The following NRG3 variants were observed in gnomAD, a reference collection of about 807,000 sequenced individuals.
NRG3 encodes pro-neuregulin-3, membrane-bound isoform.
NRG3 carries 31 observed loss-of-function variants against 66.9 expected under a neutral mutation model. The observed-to-expected ratio is 0.46, with a 90% CI of 0.35 to 0.63. The LOEUF is 0.63. NRG3 is among the 20% of genes least tolerant of loss of function. NRG3 has a pLI of 0.00. For missense variants in NRG3, 910 were observed against 878.9 expected (o/e 1.04, Z -0.45); for synonymous variants, 393 against 359.4 (o/e 1.09, Z -1.06).
chr10:82,208,681 T>TA (rs1275796238), intron 1 of NRG3, among the ~76,000 whole-genome samples: 1 of 152,026 alleles, frequency 6.6e-6, no homozygotes, highest in Non-Finnish European at 1.5e-5. Flanking sequence ...GAACGTCAAT[T>TA]ACAAATGATT....
rs560775086 is a variant in NRG3 at position 82,538,588 on chromosome 10, T to C, written c.953+179720T>C. 3.3e-5 allele frequency among the ~76,000 whole-genome samples: 5 copies of C among 152,248 alleles called. No homozygotes were observed. The South Asian group carries it at 1.0e-3, about 32-fold the overall frequency. ...ATTGTTCCATTTATTGCAATCTATG[T>C]TCCATACCTAAGATGGCAAAACCCT... is the stretch of plus-strand genomic sequence containing the variant. On this transcript the variant is annotated intron_variant, in intron 2 of 8. Coordinates refer to ENST00000372141, the MANE Select transcript of NRG3 (RefSeq NM_001010848.4).
chr10:82,788,564 C>T (rs775332257), intron 3 of NRG3, among the ~76,000 whole-genome samples: 45 of 151,188 alleles, frequency 3.0e-4, no homozygotes, highest in Non-Finnish European at 4.3e-4. Flanking sequence ...AGTGAGACTC[C>T]GTCTCAAAAA....
intron 1 of NRG3, among the ~76,000 whole-genome samples, chr10:82,188,610 AT>A (rs2073951545): frequency 6.6e-6 from 1 of 152,166 alleles, no homozygotes; most frequent in Non-Finnish European, 1.5e-5. Context: ...ATAGGAAAAA[AT>A]ATCTAATAAT....
At chr10:82,869,625 T>TATTTTATTTTATTTTTA (rs1564585678) in intron 4 of NRG3, among the ~76,000 whole-genome samples, 1 of 146,528 alleles carries the variant, frequency 6.8e-6, no homozygotes, top group African/African-American at 2.6e-5. Context: ...TATTTTATTT[T>TATTTTATTTTATTTTTA]GAGACAGAGT....
At chr10:82,314,771 C>T (rs1442057461) in intron 1 of NRG3, among the ~76,000 whole-genome samples, 1 of 152,206 alleles carries the variant, frequency 6.6e-6, no homozygotes, top group Non-Finnish European at 1.5e-5. Flanking sequence ...GATCTCGCCA[C>T]TGCACTCCAG....
At chr10:81,909,171 A>G (rs1844879511) in intron 1 of NRG3, among the ~76,000 whole-genome samples, 1 of 151,884 alleles carries the variant, frequency 6.6e-6, no homozygotes, top group African/African-American at 2.4e-5. Flanking sequence ...TATCCCTCCA[A>G]TCTCCACCTC....
chr10:82,249,110 C>G (rs977979178), intron 1 of NRG3, among the ~76,000 whole-genome samples: 3 of 152,076 alleles, frequency 2.0e-5, no homozygotes, highest in African/African-American at 7.3e-5. Context: ...AAGTAAAGGT[C>G]TTTATTTTAG....
At chr10:82,885,175 C>G (rs193153810) in intron 4 of NRG3, among the ~76,000 whole-genome samples, 1 of 152,180 alleles carries the variant, frequency 6.6e-6, no homozygotes, top group East Asian at 1.9e-4. Flanking sequence ...TTTCTAAATA[C>G]TCTTTCTTTT....
At chr10:82,370,310 C>T (rs2084797636) in intron 2 of NRG3, among the ~76,000 whole-genome samples, 1 of 137,454 alleles carries the variant, frequency 7.3e-6, no homozygotes, top group African/African-American at 3.4e-5. Flanking sequence ...GGTGATATTC[C>T]CCTGGAGTGG....
At chr10:82,946,309 G>C (rs1436655188) in intron 4 of NRG3, among the ~76,000 whole-genome samples, 1 of 151,818 alleles carries the variant, frequency 6.6e-6, no homozygotes, top group Non-Finnish European at 1.5e-5. Context: ...GGAAGGCCAA[G>C]GTGGGTGGAT....
intron 1 of NRG3, among the ~76,000 whole-genome samples, chr10:82,259,912 A>G (rs777999787): frequency 7.3e-5 from 11 of 151,066 alleles, no homozygotes; most frequent in Non-Finnish European, 1.5e-4. Context: ...AACCTGGGTG[A>G]CAGGGCAAGA....
intron 2 of NRG3, among the ~76,000 whole-genome samples, chr10:82,539,655 A>C (rs2043396701): frequency 1.3e-5 from 2 of 151,628 alleles, no homozygotes; most frequent in African/African-American, 4.8e-5. Context: ...TTTGTTTTTA[A>C]TGGAGTCTCG....
Position 82,468,399 on chromosome 10 carries a change from C to T in NRG3, c.953+109531C>T, listed in dbSNP as rs529466434. ...GGAAGTGTCAGACCTTCAGAGGGGG[C>T]ACTGCTGAGAGGCTGAATCATTGAG... is the stretch of plus-strand genomic sequence containing the variant. On this transcript the variant is annotated intron_variant, in intron 2 of 8. Coordinates refer to ENST00000372141, the MANE Select transcript of NRG3 (RefSeq NM_001010848.4). Among the ~76,000 whole-genome samples, 13 of 102,436 alleles carry T rather than the reference C, an allele frequency of 1.3e-4. No homozygotes were observed. The South Asian group carries it at 1.9e-3, about 15-fold the overall frequency. The allele number at this position is 102,436 out of a possible 152,430, so 67.2% of individuals were successfully genotyped here.
intron 3 of NRG3, among the ~76,000 whole-genome samples, chr10:82,841,534 T>C (rs2063057054): frequency 6.6e-6 from 1 of 152,210 alleles, no homozygotes; most frequent in African/African-American, 2.4e-5. Flanking sequence ...GTCTGAGATC[T>C]GTAGGGCAGG....
chr10:82,710,586 CAA>C (rs59857324), intron 2 of NRG3, among the ~76,000 whole-genome samples: 16,106 of 71,374 alleles, frequency 0.23, 281 homozygotes, highest in Middle Eastern at 0.4. Context: ...GACTCCATCT[CAA>C]AAAAAAAAAA....
At chr10:82,048,379 C>A (rs1236644489) in intron 1 of NRG3, among the ~76,000 whole-genome samples, 1 of 152,070 alleles carries the variant, frequency 6.6e-6, no homozygotes, top group African/African-American at 2.4e-5. Context: ...CGTAAAAGAA[C>A]AGAAATTATA....
chr10:82,690,569 G>A (rs887702619), intron 2 of NRG3, among the ~76,000 whole-genome samples: 9 of 152,052 alleles, frequency 5.9e-5, no homozygotes, highest in Non-Finnish European at 1.2e-4. Flanking sequence ...ATTCTACATA[G>A]AGTGTAACTG....
intron 2 of NRG3, among the ~76,000 whole-genome samples, chr10:82,528,365 A>T (rs1003116852): frequency 1.4e-4 from 21 of 150,866 alleles, no homozygotes; most frequent in African/African-American, 3.0e-4. Context: ...GGAAATTTTT[A>T]AAAAGCCCAA....
intron 2 of NRG3, among the ~76,000 whole-genome samples, chr10:82,376,705 C>G (rs1451492715): frequency 6.6e-6 from 1 of 152,226 alleles, no homozygotes; most frequent in Non-Finnish European, 1.5e-5. Context: ...TTCAAGTTAC[C>G]TGTTACCATG....
Sources: gnomAD v4.1 joint callset for allele counts (sites outside exome capture counted in the v4.1 genomes callset) on GRCh38, gnomAD v4.1.1 for gene constraint, MANE v1.5 for transcripts, NCBI Gene and HGNC (gene_info 2026-07-23, HGNC 2026-07-21) for gene names.